Variants in DPP10 observed in about 807,000 individuals in gnomAD.
DPP10 encodes the protein dipeptidyl peptidase like 10.
In DPP10, 33 loss-of-function variants were observed where a neutral mutation model predicts 120.9. That is an observed-to-expected ratio of 0.27 (90% CI 0.21 to 0.37). DPP10 has a LOEUF of 0.37. Ranked by LOEUF, DPP10 falls within the 10% of genes least tolerant of loss-of-function variation. The pLI, the probability that DPP10 is intolerant of heterozygous loss-of-function variation, is 1.00. For synonymous variants in DPP10, 337 were observed against 326.1 expected (o/e 1.03, Z -0.36); for missense variants, 816 against 942.8 (o/e 0.87, Z 1.76).
At chr2:114,807,095 GA>G (rs995745219) in intron 1 of DPP10, among the ~76,000 whole-genome samples, 11 of 152,282 alleles carry the variant, frequency 7.2e-5, no homozygotes, top group African/African-American at 2.6e-4. Context: ...GCACATATGA[GA>G]AAGTGCATAA....
At chr2:115,708,193 C>T (rs538833417) in intron 7 of DPP10, among the ~76,000 whole-genome samples, 34 of 151,664 alleles carry the variant, frequency 2.2e-4, no homozygotes, top group Non-Finnish European at 4.0e-4. Flanking sequence ...TGGTCTTTAA[C>T]GTTTATGTTA....
intron 1 of DPP10, among the ~76,000 whole-genome samples, chr2:114,716,887 C>A (rs1701383185): frequency 6.6e-6 from 1 of 152,058 alleles, no homozygotes; most frequent in African/African-American, 2.4e-5. Context: ...TATACTTGAC[C>A]CAATATATTG....
chr2:115,275,876 A>AT (rs1476968610), intron 1 of DPP10, among the ~76,000 whole-genome samples: 4 of 151,148 alleles, frequency 2.6e-5, no homozygotes, highest in South Asian at 2.1e-4. Flanking sequence ...ATTTTTTTGT[A>AT]TTTTTTGGTG....
At chr2:115,206,693 A>T (rs1457994340) in intron 1 of DPP10, among the ~76,000 whole-genome samples, 1 of 152,102 alleles carries the variant, frequency 6.6e-6, no homozygotes, top group African/African-American at 2.4e-5. Flanking sequence ...GTTGTGGGCA[A>T]CCATTTTATT....
intron 3 of DPP10, among the ~76,000 whole-genome samples, chr2:115,379,990 G>T (rs1448438975): frequency 2.6e-5 from 4 of 152,142 alleles, no homozygotes; most frequent in African/African-American, 7.2e-5. Context: ...GTCAATTTTG[G>T]AATCGGTGTG....
intron 1 of DPP10, among the ~76,000 whole-genome samples, chr2:114,739,802 C>A (rs561929563): frequency 5.6e-4 from 85 of 152,262 alleles, no homozygotes; most frequent in Non-Finnish European, 1.0e-3. Flanking sequence ...AACTAAGAGC[C>A]CCTCATTCTT....
intron 1 of DPP10, among the ~76,000 whole-genome samples, chr2:114,700,155 G>A (rs1356515917): frequency 6.6e-6 from 1 of 152,046 alleles, no homozygotes; most frequent in Non-Finnish European, 1.5e-5. Context: ...TATGTTGTAT[G>A]GAGGAGGAGT....
At chr2:115,377,819 C>A (rs1399070429) in intron 3 of DPP10, among the ~76,000 whole-genome samples, 1 of 152,106 alleles carries the variant, frequency 6.6e-6, no homozygotes, top group Non-Finnish European at 1.5e-5. Context: ...AATCCTTTCC[C>A]CATTGCTTGT....
chr2:115,098,371 T>G (rs1361689009), intron 1 of DPP10, among the ~76,000 whole-genome samples: 1 of 152,184 alleles, frequency 6.6e-6, no homozygotes, highest in Non-Finnish European at 1.5e-5. Flanking sequence ...CAGGGATACA[T>G]TCTGAGAAAT....
intron 1 of DPP10, among the ~76,000 whole-genome samples, chr2:115,290,927 T>A (rs186525815): frequency 3.9e-5 from 6 of 152,258 alleles, no homozygotes; most frequent in Admixed American, 1.3e-4. Context: ...CCTGCTAATC[T>A]ACTCATCTTT....
At chr2:115,461,590 G>A (rs750430143) in intron 3 of DPP10, among the ~76,000 whole-genome samples, 3 of 152,070 alleles carry the variant, frequency 2.0e-5, no homozygotes, top group Admixed American at 6.6e-5. Flanking sequence ...TAACCAGTTT[G>A]ATTGTAGTAA....
intron 1 of DPP10, among the ~76,000 whole-genome samples, chr2:114,495,378 T>A (rs1682423878): frequency 6.6e-6 from 1 of 152,212 alleles, no homozygotes; most frequent in Admixed American, 6.5e-5. Context: ...ACTAAAGTTT[T>A]TTATACTATA....
At chr2:115,574,520 T>C (rs1383401567) in intron 5 of DPP10, among the ~76,000 whole-genome samples, 1 of 152,186 alleles carries the variant, frequency 6.6e-6, no homozygotes, top group East Asian at 1.9e-4. Flanking sequence ...CTTCAACACT[T>C]AACTAAATGG....
At chr2:115,331,662 C>G (rs1173185272) in intron 2 of DPP10, among the ~76,000 whole-genome samples, 1 of 152,154 alleles carries the variant, frequency 6.6e-6, no homozygotes, top group East Asian at 1.9e-4. Context: ...AAGGCCTTTT[C>G]TGCATCTATT....
intron 3 of DPP10, among the ~76,000 whole-genome samples, chr2:115,397,017 A>T (rs994034616): frequency 1.3e-5 from 2 of 152,210 alleles, no homozygotes; most frequent in African/African-American, 4.8e-5. Flanking sequence ...TGGGTTAATT[A>T]ATTTTCAAGT....
intron 3 of DPP10, among the ~76,000 whole-genome samples, chr2:115,380,967 T>C (rs890308389): frequency 6.6e-6 from 1 of 152,216 alleles, no homozygotes; most frequent in Non-Finnish European, 1.5e-5. Flanking sequence ...CTGACCTTTC[T>C]CTCTGGCTGC....
intron 7 of DPP10, among the ~76,000 whole-genome samples, chr2:115,699,857 A>G (rs1157116974): frequency 5.3e-5 from 8 of 152,242 alleles, no homozygotes; most frequent in Middle Eastern, 3.2e-3. Flanking sequence ...CTTGAAATGT[A>G]AGGATCATTC....
At chr2:115,091,189 C>G (rs1709224410) in intron 1 of DPP10, among the ~76,000 whole-genome samples, 1 of 152,210 alleles carries the variant, frequency 6.6e-6, no homozygotes, top group Admixed American at 6.5e-5. Context: ...GGCCCTCCAG[C>G]AAGGTTCCAC....
chr2:115,747,337 G>C (rs1678107050), intron 10 of DPP10, among the ~76,000 whole-genome samples: 1 of 152,140 alleles, frequency 6.6e-6, no homozygotes, highest in Non-Finnish European at 1.5e-5. Context: ...TAATACAGTT[G>C]ACCAAATCAA....
Sources: allele counts gnomAD v4.1 joint callset (sites outside exome capture counted in the v4.1 genomes callset), GRCh38; gene constraint gnomAD v4.1.1; transcripts MANE v1.5; gene names NCBI Gene and HGNC (gene_info 2026-07-23, HGNC 2026-07-21).